The following LTBP1 variants were observed in gnomAD, a reference collection of about 807,000 sequenced individuals.
LTBP1 encodes latent-transforming growth factor beta-binding protein 1.
A neutral mutation model predicts 207.6 loss-of-function variants in LTBP1; 129 were observed. That is an observed-to-expected ratio of 0.62 (90% CI 0.54 to 0.72). The LOEUF is 0.72. Among genes scored for constraint, LTBP1 ranks in the 30% least tolerant of loss-of-function variants. LTBP1 has a pLI of 0.00. For missense variants in LTBP1, 2,281 were observed against 2,217.2 expected (o/e 1.03, Z -0.58); for synonymous variants, 963 against 833.7 (o/e 1.16, Z -2.67).
chr2:33,341,729 A>AAAATATATATATAT (rs745445793), intron 24 of LTBP1, among the ~76,000 whole-genome samples: 82 of 93,610 alleles, frequency 8.8e-4, no homozygotes, highest in East Asian at 7.2e-3. Flanking sequence ...AAAAAAAAAA[A>AAAATATATATATAT]ATATATATAT....
chr2:33,222,234 C>T lies in LTBP1; in HGVS notation c.1876+83C>T, dbSNP rs1474361775. The stretch of plus-strand genomic sequence containing the variant: ...CTTCAGTTGTTTGCCACGGCTTGCT[C>T]ATTCGCCCAGCCTGTCACAGTGAAC... On this transcript the variant is annotated intron_variant, in intron 9 of 33. Coordinates refer to ENST00000404816, the MANE Select transcript of LTBP1 (RefSeq NM_206943.4). 4.2e-6 allele frequency: 4 copies of T among 953,550 alleles called. No individual in the cohort carries two copies. The African/African-American group carries it at 4.8e-5, about 11-fold the overall frequency. The allele number at this position is 953,550 out of a possible 1,614,324, so 59.1% of individuals were successfully genotyped here. A position where few individuals can be genotyped will look rare whatever the true frequency, so the allele number is the denominator to read the frequency against.
intron 8 of LTBP1, among the ~76,000 whole-genome samples, chr2:33,219,053 C>T (rs1011276453): frequency 3.3e-5 from 5 of 152,110 alleles, no homozygotes; most frequent in African/African-American, 1.2e-4. Context: ...AATTGTCTCT[C>T]ATTTGGACTT....
chr2:33,102,993 A>G (rs1161208711), intron 3 of LTBP1, among the ~76,000 whole-genome samples: 2 of 151,410 alleles, frequency 1.3e-5, no homozygotes, highest in African/African-American at 2.4e-5. Flanking sequence ...CACAGTCTCT[A>G]TGTTGTATAC....
intron 7 of LTBP1, among the ~76,000 whole-genome samples, chr2:33,196,606 G>C (rs2088601529): frequency 1.3e-5 from 2 of 152,098 alleles, no homozygotes; most frequent in African/African-American, 2.4e-5. Context: ...CTGTTGTGAA[G>C]ACAAGGATGA....
intron 7 of LTBP1, among the ~76,000 whole-genome samples, chr2:33,200,590 C>T (rs2089124210): frequency 6.6e-6 from 1 of 151,820 alleles, no homozygotes; most frequent in Non-Finnish European, 1.5e-5. Context: ...TCTAAAACAC[C>T]AAAAGCAATG....
chr2:33,389,120 C>T (rs642472), intron 31 of LTBP1, 64 bp from the exon 32 acceptor site: 822,150 of 1,605,630 alleles, frequency 0.51, 215,824 homozygotes, highest in East Asian at 0.67. Flanking sequence ...CTCTGAGCTG[C>T]GAGGGGGTGG....
intron 25 of LTBP1, among the ~76,000 whole-genome samples, chr2:33,344,213 A>G (rs72859589): frequency 0.024 from 3,598 of 152,342 alleles, 157 homozygotes; most frequent in African/African-American, 0.081. Context: ...CTAGTCAAAA[A>G]CATAGATAAT....
chr2:33,236,910 C>T (rs1465798837), intron 9 of LTBP1, among the ~76,000 whole-genome samples: 4 of 152,094 alleles, frequency 2.6e-5, no homozygotes, highest in Non-Finnish European at 4.4e-5. Flanking sequence ...CATGTTACCC[C>T]GAAGACAGAA....
intron 31 of LTBP1, among the ~76,000 whole-genome samples, chr2:33,381,992 A>G (rs992432312): frequency 2.0e-5 from 3 of 149,892 alleles, no homozygotes; most frequent in East Asian, 2.0e-4. Flanking sequence ...GTGCGTAGGA[A>G]CTTAATAGTG....
chr2:33,297,716 A>T lies in LTBP1; in HGVS notation c.3236-2735A>T, dbSNP rs2887067. 3.3e-5 allele frequency among the ~76,000 whole-genome samples: 5 copies of T among 152,144 alleles called. No homozygotes were observed. The South Asian group carries it at 1.0e-3, about 32-fold the overall frequency. On this transcript the variant is annotated intron_variant, in intron 20 of 33. Coordinates refer to ENST00000404816, the MANE Select transcript of LTBP1 (RefSeq NM_206943.4). ...TGGTATTACAAGCATCAGCCATTAC[A>T]CCCGGCCCTGCCTTTTCAAAACAAA...
intron 19 of LTBP1, among the ~76,000 whole-genome samples, chr2:33,286,743 T>C (rs1257506420): frequency 9.5e-5 from 10 of 105,470 alleles, no homozygotes; most frequent in Non-Finnish European, 1.7e-4. Context: ...TGGAATACTA[T>C]GCAGCCATAA....
chr2:32,958,173 G>C (rs951795498), intron 2 of LTBP1, among the ~76,000 whole-genome samples: 1 of 152,062 alleles, frequency 6.6e-6, no homozygotes, highest in Non-Finnish European at 1.5e-5. Flanking sequence ...AGTCAAGCTT[G>C]AGACCTGAAG....
chr2:33,058,085 C>T (rs2077094915), intron 3 of LTBP1, among the ~76,000 whole-genome samples: 1 of 152,194 alleles, frequency 6.6e-6, no homozygotes, highest in African/African-American at 2.4e-5. Flanking sequence ...TTACTTTGGC[C>T]TGGGATAAAC....
At chr2:33,346,770 TC>T (rs1359890759) in intron 25 of LTBP1, among the ~76,000 whole-genome samples, 1 of 151,898 alleles carries the variant, frequency 6.6e-6, no homozygotes, top group African/African-American at 2.4e-5. Context: ...AACTAGATGG[TC>T]AGTGGGCACA....
At chr2:33,280,262 T>C in intron 19 of LTBP1, 104 bp downstream of exon 19, 1 of 1,205,412 alleles carries the variant, frequency 8.3e-7, no homozygotes. Context: ...AATGAAAAAA[T>C]GAAATCTTAC....
In LTBP1 at chr2:32,947,079, CG is replaced by C; in HGVS notation, c.-245del. On this transcript the variant is annotated 5_prime_UTR_variant, in exon 1 of 34. Transcript: ENST00000404816. ...GCGGCCCGCTCCCCTCGCCCCTCCCCGCTCCCCGGGCTCCGCGCTCCCCACC... is the reference window on the plus strand; with the variant it reads ...GCGGCCCGCTCCCCTCGCCCCTCCCCCTCCCCGGGCTCCGCGCTCCCCACC... 6.4e-6 allele frequency: 2 copies of C among 313,826 alleles called. No homozygotes were observed. The highest frequency in any genetic ancestry group is 1.2e-5 in the Non-Finnish European group (2 of 172,544). 19.4% of individuals were successfully genotyped at this position (313,826 alleles called of 1,614,324 possible).
At chr2:33,170,141 AGACAGTGGGCGCAG>A (rs1446367485) in intron 5 of LTBP1, among the ~76,000 whole-genome samples, 2 of 152,308 alleles carry the variant, frequency 1.3e-5, no homozygotes, top group Non-Finnish European at 2.9e-5. Context: ...AGGGAGTGCC[AGACAGTGGGCGCAG>A]GACAGTGGGT....
chr2:33,313,549 G>A (rs531566493), intron 23 of LTBP1, among the ~76,000 whole-genome samples: 94 of 152,312 alleles, frequency 6.2e-4, no homozygotes, highest in Non-Finnish European at 1.2e-3. Context: ...ATTCATGTGG[G>A]TTCCTGTACT....
chr2:33,260,671 A>G (rs1028191659), intron 13 of LTBP1, among the ~76,000 whole-genome samples: 3 of 152,212 alleles, frequency 2.0e-5, no homozygotes, highest in Admixed American at 6.5e-5. Flanking sequence ...AAAATGTATA[A>G]CAGATATGCA....
Sources: gnomAD v4.1 joint callset for allele counts (sites outside exome capture counted in the v4.1 genomes callset) on GRCh38, gnomAD v4.1.1 for gene constraint, MANE v1.5 for transcripts, NCBI Gene and HGNC (gene_info 2026-07-23, HGNC 2026-07-21) for gene names.